COL3A1: variants seen among roughly 807,000 people sequenced by gnomAD.
The protein encoded by COL3A1 is collagen alpha-1(III) chain.
In COL3A1, 46 loss-of-function variants were observed where a neutral mutation model predicts 200.9. That is an observed-to-expected ratio of 0.23 (90% CI 0.18 to 0.29). COL3A1 has a LOEUF of 0.29. Ranked by LOEUF, COL3A1 falls within the 10% of genes least tolerant of loss-of-function variation. The probability of loss-of-function intolerance (pLI) is 1.00; values close to 1 mark genes in which losing one functional copy is unlikely to be tolerated. For synonymous variants in COL3A1, 650 were observed against 628.0 expected, an observed-to-expected ratio of 1.03 and a Z score of -0.52; for missense variants, 1,367 against 1,917.6, an observed-to-expected ratio of 0.71 and a Z score of 5.36.
chr2:189,001,663 G>C (rs532931188), intron 34 of COL3A1, 74 bp downstream of exon 34: 4 of 1,551,996 alleles, frequency 2.6e-6, no homozygotes, highest in Non-Finnish European at 3.6e-6. Flanking sequence ...TCCCTTTTTG[G>C]CAGTTTTGCC....
intron 1 of COL3A1, among the ~76,000 whole-genome samples, chr2:188,976,144 A>G (rs768107173): frequency 6.6e-6 from 1 of 151,994 alleles, no homozygotes; most frequent in South Asian, 2.1e-4. Context: ...CCAAATGACT[A>G]CTATCCCCCA....
Position 188,990,994 on chromosome 2 carries a change from C to T in COL3A1, c.799-10C>T. ...TTTTAATAATTTTGCTGGTTTTATA[C>T]ATTTCCTAGGGCTTCGATGGACGAA... On this transcript the variant is annotated splice_polypyrimidine_tract_variant and intron_variant, in intron 10 of 50. Coordinates refer to ENST00000304636, the MANE Select transcript of COL3A1 (RefSeq NM_000090.4). 6.2e-7 allele frequency: 1 copy of T among 1,612,554 alleles called. No homozygotes were observed. Among genetic ancestry groups the T allele is most frequent in the Non-Finnish European group, 8.5e-7 (1 of 1,178,866 alleles).
intron 7 of COL3A1, 132 bp from the exon 8 acceptor site, chr2:188,989,264 C>T: frequency 1.5e-6 from 1 of 660,904 alleles, no homozygotes; most frequent in East Asian, 2.7e-5. Context: ...CAGTAAGTAT[C>T]ATTTTCATTA....
At chr2:188,982,947 T>C (rs1687984950) in intron 1 of COL3A1, among the ~76,000 whole-genome samples, 1 of 143,242 alleles carries the variant, frequency 7.0e-6, no homozygotes, top group African/African-American at 2.5e-5. Context: ...ATGAGTTTAA[T>C]GCATAGACTC....
At chr2:188,981,466 T>C (rs1687951618) in intron 1 of COL3A1, among the ~76,000 whole-genome samples, 1 of 151,518 alleles carries the variant, frequency 6.6e-6, no homozygotes, top group Non-Finnish European at 1.5e-5. Context: ...AGAGATTTAG[T>C]TTAAACAACT....
Position 188,985,783 on chromosome 2 carries a change from A to G in COL3A1, c.447+5A>G. The G allele has an allele frequency of 6.3e-7, 1 of 1,594,126 alleles. No individual in the cohort carries two copies. The highest frequency in any genetic ancestry group is 8.6e-7 in the Non-Finnish European group (1 of 1,162,870). ...TCATGCCCTACTGGTCCTCAGGTAT[A>G]ACAATTACGGTACTTAAAAAATTCC... is the stretch of plus-strand genomic sequence containing the variant. On this transcript the variant is annotated splice_donor_5th_base_variant and intron_variant, in intron 4 of 50. Coordinates refer to ENST00000304636, the MANE Select transcript of COL3A1 (RefSeq NM_000090.4).
intron 49 of COL3A1, 28 bp from the exon 50 acceptor site, chr2:189,010,620 G>T (rs1319627891): frequency 6.2e-7 from 1 of 1,613,868 alleles, no homozygotes; most frequent in Admixed American, 1.7e-5. Context: ...TGAAATGTTT[G>T]ATCTGTTTTA....
At chr2:189,003,697 T>A (rs185682620) in intron 37 of COL3A1, 37 bp from the exon 38 acceptor site, 1 of 1,607,182 alleles carries the variant, frequency 6.2e-7, no homozygotes, top group East Asian at 2.2e-5. Context: ...TTATTTGTTC[T>A]ACTTTTGAAA....
At chr2:189,010,068 T>G (rs1287683692) in intron 48 of COL3A1, 110 bp from the exon 49 acceptor site, 1 of 995,606 alleles carries the variant, frequency 1.0e-6, no homozygotes, top group Non-Finnish European at 1.6e-6. Context: ...ATACATAAAA[T>G]GCAGACACAT....
rs767996976 is a variant in COL3A1, at chr2:188,994,287, A to G, written c.1248A>G (p.Pro416=). 6.2e-7 allele frequency: 1 copy of G among 1,613,858 alleles called. No individual in the cohort carries two copies. Among genetic ancestry groups the G allele is most frequent in the Non-Finnish European group, 8.5e-7 (1 of 1,179,974 alleles). The change falls in exon 18 of 51, where the codon CCA becomes CCG. Residue 416 remains proline (P), a synonymous_variant. Coordinates refer to ENST00000304636, the MANE Select transcript of COL3A1 (RefSeq NM_000090.4). The surrounding 1 kb of genome is among the most constrained non-coding windows in gnomAD (Gnocchi z 4.5). ...GACTGATGGGAGCCCGGGGTCCTCC[A>G]GGACCAGCCGGTGCTAATGGTGCTC... ...APGLMGARGP[P]GPAGANGAPG...
rs1041434089 is a variant in COL3A1 at position 189,001,285 on chromosome 2, A to G, written c.2284-112A>G. 144 of 1,068,896 alleles carry G rather than the reference A, an allele frequency of 1.3e-4. 1 individual carries two copies. The South Asian group carries it at 1.9e-3, about 14-fold the overall frequency. 66.2% of individuals were successfully genotyped at this position (1,068,896 alleles called of 1,614,324 possible). A position where few individuals can be genotyped will look rare whatever the true frequency, so the allele number is the denominator to read the frequency against. On this transcript the variant is annotated intron_variant, in intron 32 of 50. Transcript: ENST00000304636. The stretch of plus-strand genomic sequence containing the variant: ...GCATTCAAGCCATAAAAATTTTTAA[A>G]AAGTATGTTATCTAGTTTATTAGGT...
Position 188,974,571 on chromosome 2 carries a change from G to A in COL3A1, c.79+3G>A. On this transcript the variant is annotated splice_donor_region_variant and intron_variant, in intron 1 of 50. Transcript: ENST00000304636. ...TATTATTTTGGCACAACAGGAAGGTGAGTAGGTACTGATTTCAAGAAACTT... is the reference window on the plus strand; with the variant it reads ...TATTATTTTGGCACAACAGGAAGGTAAGTAGGTACTGATTTCAAGAAACTT... 6.2e-7 allele frequency: 1 copy of A among 1,612,558 alleles called. No homozygotes were observed. The highest frequency in any genetic ancestry group is 1.1e-5 in the South Asian group (1 of 91,070).
intron 11 of COL3A1, 108 bp downstream of exon 11, chr2:188,991,165 A>T (rs1688180835): frequency 3.4e-6 from 4 of 1,166,578 alleles, no homozygotes; most frequent in Non-Finnish European, 5.0e-6. Flanking sequence ...ATTTACCTGA[A>T]TTTTACCTAT....
intron 1 of COL3A1, among the ~76,000 whole-genome samples, chr2:188,980,938 T>C (rs993079509): frequency 1.2e-4 from 18 of 151,338 alleles, no homozygotes; most frequent in Admixed American, 2.0e-4. Context: ...GATTTTCAGA[T>C]TATACAACAT....
rs1350774574 is a variant in COL3A1, at chr2:188,992,225, A to G, written c.993A>G (p.Gln331=). The change falls in exon 14 of 51, where the codon CAA becomes CAG. Residue 331 remains glutamine, a synonymous_variant. Coordinates refer to ENST00000304636, the MANE Select transcript of COL3A1 (RefSeq NM_000090.4). ...ACGGTGCTCGAGGCAGTGATGGTCA[A>G]CCAGTAAGTAACTTTCTATCTCTTA... ...GNDGARGSDG[Q]PGPPGPPGTA... is the part of the protein sequence containing the mutation. 4 of 1,613,854 alleles carry G rather than the reference A, an allele frequency of 2.5e-6. No individual in the cohort carries two copies. The highest frequency in any genetic ancestry group is 3.4e-6 in the Non-Finnish European group (4 of 1,179,848).
Position 189,003,588 on chromosome 2 carries a change from T to C in COL3A1, c.2607+124T>C, listed in dbSNP as rs1026306188. On this transcript the variant is annotated intron_variant, in intron 37 of 50. Coordinates refer to ENST00000304636, the MANE Select transcript of COL3A1 (RefSeq NM_000090.4). ...AAAATTGTAATCGCTCATTCATACA[T>C]GAGTTATATGTAAATTCCAAGGGGA... 8 of 1,318,338 alleles carry C rather than the reference T, an allele frequency of 6.1e-6. No homozygotes were observed. In the Admixed American group the frequency reaches 1.3e-4, roughly 21 times the overall value. The allele number at this position is 1,318,338 out of a possible 1,614,324, so 81.7% of individuals were successfully genotyped here. A position where few individuals can be genotyped will look rare whatever the true frequency, so the allele number is the denominator to read the frequency against.
At chr2:189,003,530 C>T in intron 37 of COL3A1, 66 bp downstream of exon 37, 2 of 1,477,576 alleles carry the variant, frequency 1.4e-6, no homozygotes, top group Non-Finnish European at 1.9e-6. Context: ...ATAAAAGCTG[C>T]ATTTGAGACA....
At chr2:189,001,907 G>C (rs965548596) in intron 34 of COL3A1, among the ~76,000 whole-genome samples, 5 of 152,102 alleles carry the variant, frequency 3.3e-5, no homozygotes, top group Non-Finnish European at 5.9e-5. Context: ...ACTCCTTCTA[G>C]ATTTAAAAGT....
In COL3A1 at chr2:189,008,139, T is replaced by C; in HGVS notation, c.3522T>C (p.Ser1174=). Residue 1174 remains serine (S), a synonymous_variant, in exon 47 of 51, where the codon TCT becomes TCC. Coordinates refer to ENST00000304636, the MANE Select transcript of COL3A1 (RefSeq NM_000090.4). The stretch of plus-strand genomic sequence containing the variant: ...GAGGTAACAGAGGTGAAAGAGGATC[T>C]GAGGTAAGACATCACTTATACGTAT... ...GPRGNRGERG[S]EGSPGHPGQP... The C allele has an allele frequency of 6.2e-7, 1 of 1,611,550 alleles. No homozygotes were observed. Among genetic ancestry groups the C allele is most frequent in the Non-Finnish European group, 8.5e-7 (1 of 1,178,462 alleles).
Sources: allele counts gnomAD v4.1 joint callset (sites outside exome capture counted in the v4.1 genomes callset), GRCh38; gene constraint gnomAD v4.1.1; non-coding constraint Gnocchi (gnomAD v3.1); transcripts MANE v1.5; gene names NCBI Gene and HGNC (gene_info 2026-07-23, HGNC 2026-07-21).